The following DLG2 variants were observed in gnomAD, a reference collection of about 807,000 sequenced individuals.
DLG2 encodes discs large MAGUK scaffold protein 2, also known as disks large homolog 2.
DLG2 carries 45 observed loss-of-function variants against 132.5 expected under a neutral mutation model. That is an observed-to-expected ratio of 0.34 (90% CI 0.27 to 0.44). The LOEUF (loss-of-function observed/expected upper bound fraction) is 0.44. Ranked by LOEUF, DLG2 falls within the 20% of genes least tolerant of loss-of-function variation. The pLI is 1.00. For missense variants in DLG2, 1,045 were observed against 1,196.9 expected (o/e 0.87, Z 1.87); for synonymous variants, 424 against 419.6 (o/e 1.01, Z -0.13).
intron 7 of DLG2, among the ~76,000 whole-genome samples, chr11:84,302,602 A>G (rs2098168280): frequency 6.6e-6 from 1 of 152,192 alleles, no homozygotes; most frequent in Non-Finnish European, 1.5e-5. Context: ...TTACTACATT[A>G]ACTGTAGTTA....
Position 85,287,574 on chromosome 11 carries a change from TGCTA to T in DLG2, c.41-2213_41-2210del, listed in dbSNP as rs139178772. On this transcript the variant is annotated intron_variant, in intron 3 of 27. Transcript: ENST00000376104. Reference sequence around the variant, plus strand: ...TTATTTATTCCTAGCAAGTGCAAATTGCTATAGCCACTTCAGAAAATAATTTAAC... The same window carrying T: ...TTATTTATTCCTAGCAAGTGCAAATTTAGCCACTTCAGAAAATAATTTAAC... 8.8e-3 allele frequency among the ~76,000 whole-genome samples: 1,332 copies of T among 152,210 alleles called. 14 individuals are homozygous for T. Among genetic ancestry groups the T allele is most frequent in the African/African-American group, 0.029 (1,197 of 41,570 alleles).
Position 84,534,736 on chromosome 11 carries a change from GAGAAA to G in DLG2, c.358-10_358-6del, listed in dbSNP as rs767990001. On this transcript the variant is annotated splice_polypyrimidine_tract_variant and splice_region_variant and intron_variant, in intron 6 of 27. Coordinates refer to ENST00000376104, the MANE Select transcript of DLG2 (RefSeq NM_001142699.3). ...CTCATCTTGATATCGATACTTCTAG[GAGAAA>G]AGAAAAGAAAGGACAAGTATGTATA... is the stretch of plus-strand genomic sequence containing the variant. The G allele has an allele frequency of 1.9e-5, 31 of 1,613,742 alleles. No homozygotes were observed. The highest frequency in any genetic ancestry group is 3.3e-4 in the Middle Eastern group (2 of 6,084).
rs367928668 is a variant in DLG2, at chr11:84,835,592, T to C, written c.357+276069A>G. 2.4e-4 allele frequency among the ~76,000 whole-genome samples: 37 copies of C among 151,874 alleles called. No individual in the cohort carries two copies. In the South Asian group the frequency reaches 3.3e-3, roughly 14 times the overall value. On this transcript the variant is annotated intron_variant, in intron 6 of 27. Coordinates refer to ENST00000376104, the MANE Select transcript of DLG2 (RefSeq NM_001142699.3). ...TACATATGACTTTCCGCACTAAATC[T>C]TGCCTATTGAACAACATGTACAAAT...
chr11:84,731,346 T>C (rs2063128047), intron 6 of DLG2, among the ~76,000 whole-genome samples: 1 of 152,028 alleles, frequency 6.6e-6, no homozygotes, highest in Non-Finnish European at 1.5e-5. Context: ...AATGCAGTGC[T>C]GGCCTCATGG....
chr11:84,442,101 G>T (rs1295834396), intron 7 of DLG2, among the ~76,000 whole-genome samples: 8 of 152,096 alleles, frequency 5.3e-5, no homozygotes, highest in Non-Finnish European at 1.2e-4. Context: ...GGCTATACAG[G>T]CTCTTTTTTC....
In DLG2 at chr11:84,655,081, T is replaced by A. The variant is rs540688247; in HGVS notation, c.358-120350A>T. Among the ~76,000 whole-genome samples the A allele has an allele frequency of 1.8e-4, 27 of 152,210 alleles. No individual in the cohort carries two copies. In the South Asian group the frequency reaches 3.5e-3, roughly 20 times the overall value. ...CATGTGTAATGTGTAGATAAACATT[T>A]TTTCCCTAGAAAAATGAAAATGCTG... On this transcript the variant is annotated intron_variant, in intron 6 of 27. Coordinates refer to ENST00000376104, the MANE Select transcript of DLG2 (RefSeq NM_001142699.3).
chr11:83,473,416 A>G (rs977823104), intron 22 of DLG2, among the ~76,000 whole-genome samples: 3 of 152,142 alleles, frequency 2.0e-5, no homozygotes, highest in African/African-American at 7.2e-5. Flanking sequence ...ACAGTAGTAA[A>G]ATGTCAGCCC....
At chr11:84,333,303 G>A (rs1164813175) in intron 7 of DLG2, among the ~76,000 whole-genome samples, 29 of 152,212 alleles carry the variant, frequency 1.9e-4, no homozygotes, top group Non-Finnish European at 2.2e-4. Flanking sequence ...TCCCTAACAA[G>A]TAAAAATACA....
chr11:83,813,241 A>G (rs2047859512), intron 17 of DLG2, among the ~76,000 whole-genome samples: 1 of 152,180 alleles, frequency 6.6e-6, no homozygotes, highest in Non-Finnish European at 1.5e-5. Context: ...AAAGGCAGGT[A>G]CTACTTCAAG....
intron 6 of DLG2, among the ~76,000 whole-genome samples, chr11:85,083,992 G>A (rs186020357): frequency 7.4e-4 from 112 of 152,182 alleles, no homozygotes; most frequent in Non-Finnish European, 1.3e-3. Context: ...GGGGCTTGGA[G>A]TTTTATTTTT....
chr11:83,885,134 G>A (rs557541738), intron 15 of DLG2, among the ~76,000 whole-genome samples: 1 of 152,024 alleles, frequency 6.6e-6, no homozygotes, highest in African/African-American at 2.4e-5. Flanking sequence ...AGGCTTCAGA[G>A]CATCAAACTA....
chr11:84,633,810 C>T (rs975465309), intron 6 of DLG2, among the ~76,000 whole-genome samples: 2 of 152,086 alleles, frequency 1.3e-5, no homozygotes, highest in African/African-American at 4.8e-5. Context: ...ACCAATCACA[C>T]ACACTGGCCT....
At chr11:83,550,521 T>G (rs1305908490) in intron 19 of DLG2, among the ~76,000 whole-genome samples, 1 of 152,144 alleles carries the variant, frequency 6.6e-6, no homozygotes, top group Non-Finnish European at 1.5e-5. Flanking sequence ...AAGTCTCTTA[T>G]CTGAGGGAAA....
At chr11:85,119,904 G>A (rs2074098330) in intron 5 of DLG2, among the ~76,000 whole-genome samples, 1 of 151,992 alleles carries the variant, frequency 6.6e-6, no homozygotes, top group African/African-American at 2.4e-5. Context: ...ACATGGGAAA[G>A]GTAACAATTA....
At chr11:84,103,310 C>G (rs1223837869) in intron 9 of DLG2, among the ~76,000 whole-genome samples, 1 of 152,142 alleles carries the variant, frequency 6.6e-6, no homozygotes, top group African/African-American at 2.4e-5. Flanking sequence ...TCACTTCAAT[C>G]CCCTGACAAT....
intron 18 of DLG2, 119 bp downstream of exon 18, chr11:83,786,571 A>C: frequency 2.4e-6 from 2 of 846,348 alleles, no homozygotes; most frequent in Non-Finnish European, 3.7e-6. Flanking sequence ...ATTTTTCACT[A>C]TAGGTAGGTT....
At chr11:84,665,103 G>C (rs1223777517) in intron 6 of DLG2, among the ~76,000 whole-genome samples, 2 of 152,024 alleles carry the variant, frequency 1.3e-5, no homozygotes, top group Non-Finnish European at 2.9e-5. Flanking sequence ...CTTACCTAGA[G>C]ACAAGCTATA....
At chr11:84,976,390 C>A (rs1378924567) in intron 6 of DLG2, among the ~76,000 whole-genome samples, 1 of 152,094 alleles carries the variant, frequency 6.6e-6, no homozygotes, top group Non-Finnish European at 1.5e-5. Context: ...AGAAAGATGA[C>A]TACTAGGTCA....
intron 3 of DLG2, among the ~76,000 whole-genome samples, chr11:85,436,448 TAAAC>T (rs1387788106): frequency 6.6e-6 from 1 of 151,194 alleles, no homozygotes; most frequent in Non-Finnish European, 1.5e-5. Context: ...ACAAGGAACT[TAAAC>T]AAATTTACAA....
Sources: allele counts gnomAD v4.1 joint callset (sites outside exome capture counted in the v4.1 genomes callset), GRCh38; gene constraint gnomAD v4.1.1; transcripts MANE v1.5; gene names NCBI Gene and HGNC (gene_info 2026-07-23, HGNC 2026-07-21).